Variants in PPT2 observed in about 807,000 individuals in gnomAD.
PPT2 encodes the protein lysosomal thioesterase PPT2.
A neutral mutation model predicts 37.3 loss-of-function variants in PPT2; 20 were observed. The ratio of observed to expected loss-of-function variants is 0.54; its 90% confidence interval spans 0.38 to 0.78. The LOEUF (loss-of-function observed/expected upper bound fraction) is 0.78, where lower values mean the gene tolerates loss of function less well. PPT2 is among the 30% of genes least tolerant of loss of function. The probability of loss-of-function intolerance (pLI) is 0.00; values close to 1 mark genes in which losing one functional copy is unlikely to be tolerated. For synonymous variants in PPT2, 135 were observed against 159.1 expected (o/e 0.85, Z 1.14); for missense variants, 270 against 389.8 (o/e 0.69, Z 2.59).
chr6:32,154,535 G>A lies in PPT2; in HGVS notation c.-8-52G>A. On this transcript the variant is annotated intron_variant, in intron 1 of 8. Transcript: ENST00000324816. This position sits in a 1 kb window ranked among gnomAD's most constrained non-coding sequence, Gnocchi z 7.3. The stretch of plus-strand genomic sequence containing the variant: ...CTTGATTGCCGGGCGTCTGTTCCGA[G>A]GGAGGAGGGTGTTGCCATCTCCCTC... 6.4e-7 allele frequency: 1 copy of A among 1,551,588 alleles called. No individual in the cohort carries two copies. The highest frequency in any genetic ancestry group is 1.2e-5 in the South Asian group (1 of 82,846).
chr6:32,162,925 C>A lies in PPT2; in HGVS notation c.884C>A (p.Thr295Asn). The A allele has an allele frequency of 1.2e-6, 2 of 1,614,052 alleles. No individual in the cohort carries two copies. The highest frequency in any genetic ancestry group is 8.5e-7 in the Non-Finnish European group (1 of 1,179,974). Residue 295 changes from threonine (T) to asparagine (N), a missense_variant, in exon 9 of 9, where the codon ACC (threonine) becomes AAC (asparagine). Transcript: ENST00000324816. This position sits in a 1 kb window ranked among gnomAD's most constrained non-coding sequence, Gnocchi z 5.5. ...CACTCCAACCGTACCCTTTATGAGACCTGCATTGAACCTTGGCTCTCCTGA... is the reference window on the plus strand; with the variant it reads ...CACTCCAACCGTACCCTTTATGAGAACTGCATTGAACCTTGGCTCTCCTGA... ...AWHSNRTLYE[T>N]CIEPWLS
chr6:32,160,665 C>CAA (rs1171281615), intron 7 of PPT2, among the ~76,000 whole-genome samples: 1 of 136,374 alleles, frequency 7.3e-6, no homozygotes, highest in African/African-American at 2.7e-5. Context: ...GGCTCTGTCT[C>CAA]AAAAAAAAAA....
At chr6:32,161,906 T>C (rs1330614907) in intron 7 of PPT2, among the ~76,000 whole-genome samples, 1 of 150,102 alleles carries the variant, frequency 6.7e-6, no homozygotes, top group African/African-American at 2.5e-5. Flanking sequence ...TTAGTAGAGA[T>C]GGGGTTTCAC....
chr6:32,155,764 A>C lies in PPT2; in HGVS notation c.414A>C (p.Pro138=). The C allele has an allele frequency of 6.2e-7, 1 of 1,613,726 alleles. No individual in the cohort carries two copies. The highest frequency in any genetic ancestry group is 8.5e-7 in the Non-Finnish European group (1 of 1,179,794). Residue 138 remains proline (P), a synonymous_variant, in exon 4 of 9, where the codon CCA becomes CCC. Coordinates refer to ENST00000324816, the MANE Select transcript of PPT2 (RefSeq NM_005155.7). The surrounding 1 kb of genome is among the most constrained non-coding windows in gnomAD (Gnocchi z 4.3). ...ATTCTTTCATCTCCCTCTCCTCTCC[A>C]CAGATGGGACAGTATGGAGGTGAGT... ...NVDSFISLSS[P]QMGQYGDTDY...
chr6:32,154,086 C>T, upstream of PPT2: 1 of 1,091,702 alleles, frequency 9.2e-7, no homozygotes. The surrounding 1 kb of genome is among the most constrained non-coding windows in gnomAD (Gnocchi z 7.3). Context: ...AGAGAAAGCC[C>T]CGGACGTGAC....
intron 5 of PPT2, 167 bp from the exon 6 acceptor site, chr6:32,157,470 C>A: frequency 1.6e-6 from 1 of 634,936 alleles, no homozygotes; most frequent in Non-Finnish European, 2.8e-6. Flanking sequence ...GCCTCTACCT[C>A]CCAAAGTGCT....
In PPT2 at chr6:32,162,732, A is replaced by G. The variant is rs1035003313; in HGVS notation, c.766-75A>G. ...TCACCCTGTGGGGAGGAGGTCCAGG[A>G]TCCCAGCAGTAACTCACTTTGTCTC... On this transcript the variant is annotated intron_variant, in intron 8 of 8. Transcript: ENST00000324816. The surrounding 1 kb of genome is among the most constrained non-coding windows in gnomAD (Gnocchi z 5.5). The G allele has an allele frequency of 2.5e-6, 4 of 1,588,518 alleles. No individual in the cohort carries two copies. The Admixed American group carries it at 6.7e-5, about 27-fold the overall frequency.
In PPT2 at chr6:32,163,004, C is replaced by T. The variant is rs1259480382; in HGVS notation, c.*54C>T. The T allele has an allele frequency of 2.6e-6, 4 of 1,538,934 alleles. No individual in the cohort carries two copies. Among genetic ancestry groups the T allele is most frequent in the Non-Finnish European group, 3.5e-6 (4 of 1,133,582 alleles). On this transcript the variant is annotated 3_prime_UTR_variant, in exon 9 of 9. Transcript: ENST00000324816. The stretch of plus-strand genomic sequence containing the variant: ...CTCGGTCCAGAGACCAAGTGGTGGC[C>T]TTGGAAAGCAGATGTCAGGCTTTGG...
At position 32,154,508 on chromosome 6, in the gene PPT2, G is replaced by A. The variant is rs2127385673; in HGVS notation, c.-8-79G>A. 6.5e-7 allele frequency: 1 copy of A among 1,531,298 alleles called. No homozygotes were observed. The highest frequency in any genetic ancestry group is 8.8e-7 in the Non-Finnish European group (1 of 1,136,464). 94.9% of individuals were successfully genotyped at this position (1,531,298 alleles called of 1,614,324 possible). On this transcript the variant is annotated intron_variant, in intron 1 of 8. Transcript: ENST00000324816. This position sits in a 1 kb window ranked among gnomAD's most constrained non-coding sequence, Gnocchi z 7.3. ...ACCTGGTGTGGGAGCGAGAGGAGGT[G>A]GCTTGATTGCCGGGCGTCTGTTCCG...
In PPT2 at chr6:32,156,062, T is replaced by A; in HGVS notation, c.541+84T>A. The A allele has an allele frequency of 9.4e-7, 1 of 1,058,346 alleles. No individual in the cohort carries two copies. The highest frequency in any genetic ancestry group is 1.4e-6 in the Non-Finnish European group (1 of 691,732). The allele number at this position is 1,058,346 out of a possible 1,614,324, so 65.6% of individuals were successfully genotyped here. On this transcript the variant is annotated intron_variant, in intron 5 of 8. Transcript: ENST00000324816. This position sits in a 1 kb window ranked among gnomAD's most constrained non-coding sequence, Gnocchi z 4.9. ...CTACAACCAATAGCAGTGATGACAA[T>A]AAAGATAACTTACATTTATTGAGTT...
At chr6:32,160,534 T>A (rs944280598) in intron 7 of PPT2, among the ~76,000 whole-genome samples, 1 of 151,348 alleles carries the variant, frequency 6.6e-6, no homozygotes, top group African/African-American at 2.4e-5. Context: ...GTGGGCCTGG[T>A]GGCGCACGCC....
chr6:32,153,583 ACT>A (rs775325050), upstream of PPT2: 15 of 1,576,748 alleles, frequency 9.5e-6, no homozygotes, highest in East Asian at 2.1e-4. The surrounding 1 kb of genome is among the most constrained non-coding windows in gnomAD (Gnocchi z 4.4). Flanking sequence ...GGCCTCGAGG[ACT>A]CTCTGCGTCT....
chr6:32,155,976 A>G lies in PPT2; in HGVS notation c.539A>G (p.His180Arg), dbSNP rs1366252908. The part of the protein sequence containing the change: ...GQEFSICNYW[H>R]DPHHDDLYLN... ...GAATTCTCCATCTGCAACTACTGGCATGGTGAGTGGGGATGCTGAACTGGG... is the reference window on the plus strand; with the variant it reads ...GAATTCTCCATCTGCAACTACTGGCGTGGTGAGTGGGGATGCTGAACTGGG... The change falls in exon 5 of 9, where the codon CAT becomes CGT. Residue 180 changes from histidine to arginine, a missense_variant and splice_region_variant. Coordinates refer to ENST00000324816, the MANE Select transcript of PPT2 (RefSeq NM_005155.7). The surrounding 1 kb of genome is among the most constrained non-coding windows in gnomAD (Gnocchi z 4.3). The G allele has an allele frequency of 1.9e-6, 3 of 1,610,256 alleles. No homozygotes were observed. The African/African-American group carries it at 4.0e-5, about 22-fold the overall frequency.
chr6:32,158,998 TACATA>T (rs1783969371), intron 7 of PPT2, among the ~76,000 whole-genome samples: 1 of 152,126 alleles, frequency 6.6e-6, no homozygotes, highest in Admixed American at 6.6e-5. Context: ...TGATAAAATA[TACATA>T]ACATAAAATT....
chr6:32,157,446 C>T (rs1783871339), intron 5 of PPT2, 191 bp from the exon 6 acceptor site: 1 of 608,062 alleles, frequency 1.6e-6, no homozygotes, highest in Non-Finnish European at 2.9e-6. Flanking sequence ...CTCCCGACTT[C>T]AAGTGATCCA....
upstream of PPT2, chr6:32,154,121 C>T (rs2127384855): frequency 9.2e-7 from 1 of 1,084,916 alleles, no homozygotes; most frequent in Non-Finnish European, 1.1e-6. The surrounding 1 kb of genome is among the most constrained non-coding windows in gnomAD (Gnocchi z 7.3). Context: ...CCAAGCAGCC[C>T]GCCCTTCCCC....
At position 32,154,609 on chromosome 6, in the gene PPT2, C is replaced by T. The variant is rs3134604; in HGVS notation, c.15C>T (p.Cys5=). Residue 5 remains cysteine (C), a synonymous_variant, in exon 2 of 9, where the codon TGC becomes TGT. Coordinates refer to ENST00000324816, the MANE Select transcript of PPT2 (RefSeq NM_005155.7). This position sits in a 1 kb window ranked among gnomAD's most constrained non-coding sequence, Gnocchi z 7.3. ...CAGGCGGGAGCATGCTGGGGCTCTG[C>T]GGGCAGCGGCTCCCCGCGGCGTGGG... MLGL[C]GQRLPAAWVL... 5.6e-6 allele frequency: 9 copies of T among 1,611,368 alleles called. No homozygotes were observed. In the East Asian group the frequency reaches 1.8e-4, roughly 32 times the overall value.
upstream of PPT2, chr6:32,154,104 C>G: frequency 9.2e-7 from 1 of 1,081,274 alleles, no homozygotes; most frequent in Non-Finnish European, 1.1e-6. This position sits in a 1 kb window ranked among gnomAD's most constrained non-coding sequence, Gnocchi z 7.3. Context: ...GACGGATTTG[C>G]GCGACCCCAA....
In PPT2 at chr6:32,154,732, C is replaced by T. The variant is rs1783628355; in HGVS notation, c.138C>T (p.Phe46=). Residue 46 remains phenylalanine (F), a synonymous_variant, in exon 2 of 9, where the codon TTC becomes TTT. Transcript: ENST00000324816. The surrounding 1 kb of genome is among the most constrained non-coding windows in gnomAD (Gnocchi z 7.3). ...YKPVIVVHGL[F]DSSYSFRHLL... ...CGGTCATCGTGGTGCATGGGCTCTTCGACAGCTCGTACAGCTTCCGCCACC... is the reference window on the plus strand; with the variant it reads ...CGGTCATCGTGGTGCATGGGCTCTTTGACAGCTCGTACAGCTTCCGCCACC... The T allele has an allele frequency of 1.2e-6, 2 of 1,613,144 alleles. No individual in the cohort carries two copies. Among genetic ancestry groups the T allele is most frequent in the Non-Finnish European group, 1.7e-6 (2 of 1,179,990 alleles).
Sources: allele counts gnomAD v4.1 joint callset (sites outside exome capture counted in the v4.1 genomes callset), GRCh38; gene constraint gnomAD v4.1.1; non-coding constraint Gnocchi (gnomAD v3.1); transcripts MANE v1.5; gene names NCBI Gene and HGNC (gene_info 2026-07-23, HGNC 2026-07-21).